Variants in MRAP observed in about 807,000 individuals in gnomAD.
MRAP encodes melanocortin 2 receptor accessory protein.
A neutral mutation model predicts 8.7 loss-of-function variants in MRAP; 8 were observed. That is an observed-to-expected ratio of 0.92 (90% CI 0.54 to 1.66). The LOEUF (loss-of-function observed/expected upper bound fraction) is 1.66, where lower values mean the gene tolerates loss of function less well. Among genes scored for constraint, MRAP ranks in the 40% most tolerant of loss-of-function variants. The pLI is 0.00. For synonymous variants in MRAP, 95 were observed against 95.5 expected (o/e 1.00, Z 0.03); for missense variants, 237 against 217.1 (o/e 1.09, Z -0.58).
intron 2 of MRAP, among the ~76,000 whole-genome samples, chr21:32,308,255 G>A (rs1188783537): frequency 6.6e-6 from 1 of 152,024 alleles, no homozygotes; most frequent in East Asian, 1.9e-4. Flanking sequence ...GTGTATGCCT[G>A]TAATCCCAGC....
In MRAP at chr21:32,301,108, CATATG is replaced by C. The variant is rs749431762; in HGVS notation, c.106+2036_106+2040del. Among the ~76,000 whole-genome samples, 345 of 148,474 alleles carry C rather than the reference CATATG, an allele frequency of 2.3e-3. 1 individual carries two copies. Among genetic ancestry groups the C allele is most frequent in the Non-Finnish European group, 2.9e-3 (199 of 67,878 alleles). On this transcript the variant is annotated intron_variant, in intron 1 of 2. Coordinates refer to ENST00000303645, the MANE Select transcript of MRAP (RefSeq NM_001379228.1). ...ATATATCGTATATGATATCATATATCATATGATATATGATGGCTAATTTCTTTGTA... is the reference window on the plus strand; with the variant it reads ...ATATATCGTATATGATATCATATATCATATATGATGGCTAATTTCTTTGTA...
downstream of MRAP, chr21:32,312,954 T>C (rs1024173123): frequency 6.6e-6 from 1 of 152,242 alleles, no homozygotes; most frequent in African/African-American, 2.4e-5. Context: ...CCACACTAAG[T>C]GACTGGAAAA....
At chr21:32,300,299 G>T (rs570880359) in intron 1 of MRAP, among the ~76,000 whole-genome samples, 1 of 151,594 alleles carries the variant, frequency 6.6e-6, no homozygotes, top group Non-Finnish European at 1.5e-5. Context: ...GGATTACGTC[G>T]TATGTCAGAT....
In MRAP at chr21:32,311,855, G is replaced by A; in HGVS notation, c.378G>A (p.Glu126=). 1 of 1,614,130 alleles carries A rather than the reference G, an allele frequency of 6.2e-7. No homozygotes were observed. Among genetic ancestry groups the A allele is most frequent in the Non-Finnish European group, 8.5e-7 (1 of 1,180,048 alleles). The change falls in exon 3 of 3, where the codon GAG becomes GAA. Residue 126 remains glutamate, a synonymous_variant. Coordinates refer to ENST00000303645, the MANE Select transcript of MRAP (RefSeq NM_001379228.1). ...GCCCTGACCAGCCGCTACGACAGGA[G>A]AGCTCCTCCACCTTGCCCCTCGGGG... ...RTGPDQPLRQ[E]SSSTLPLGGF...
At chr21:32,292,780 G>A (rs1352248366) in intron 1 of MRAP, among the ~76,000 whole-genome samples, 1 of 150,682 alleles carries the variant, frequency 6.6e-6, no homozygotes, top group African/African-American at 2.4e-5. Flanking sequence ...TGGGCATGGT[G>A]TGAGCCACCA....
exon 2 of MRAP, chr21:32,293,025 T>C (rs1173367251): frequency 6.6e-6 from 1 of 152,096 alleles, no homozygotes; most frequent in East Asian, 1.9e-4. Flanking sequence ...GATTGTGAGA[T>C]GGAAAAATTA....
intron 1 of MRAP, among the ~76,000 whole-genome samples, chr21:32,299,785 T>C (rs1202251771): frequency 6.6e-6 from 1 of 152,188 alleles, no homozygotes; most frequent in Non-Finnish European, 1.5e-5. Context: ...GATTTAATGA[T>C]TTTTACTAAA....
In MRAP at chr21:32,298,949, G is replaced by T. The variant is rs764251414; in HGVS notation, c.-23G>T. ...TCGAGGCGAGGCTGCCGGCCCGGAC[G>T]CTGACTGCCCAGTGCCACAGACATG... On this transcript the variant is annotated 5_prime_UTR_variant, in exon 1 of 3. Transcript: ENST00000303645. 7 of 1,586,354 alleles carry T rather than the reference G, an allele frequency of 4.4e-6. No individual in the cohort carries two copies.
At chr21:32,293,941 T>G (rs74582261), upstream of MRAP, among the ~76,000 whole-genome samples, 4 of 152,238 alleles carry the variant, frequency 2.6e-5, no homozygotes, top group East Asian at 7.7e-4. Context: ...TTATCCATCA[T>G]GGATATTTTA....
downstream of MRAP, chr21:32,312,448 G>A: frequency 7.7e-6 from 4 of 518,366 alleles, no homozygotes; most frequent in Non-Finnish European, 1.1e-5. Flanking sequence ...AGATGTGATG[G>A]CATCTGCCCT....
At chr21:32,311,507 A>T in intron 2 of MRAP, 177 bp from the exon 3 acceptor site, 1 of 712,888 alleles carries the variant, frequency 1.4e-6, no homozygotes. Context: ...CTCCTCTGAG[A>T]TTTCTCTAGA....
upstream of MRAP, among the ~76,000 whole-genome samples, chr21:32,297,406 C>G (rs73901384): frequency 6.6e-6 from 1 of 152,150 alleles, no homozygotes; most frequent in Non-Finnish European, 1.5e-5. Context: ...TAAAACCCTA[C>G]AAAAACCCTC....
intron 1 of MRAP, among the ~76,000 whole-genome samples, chr21:32,306,294 C>A (rs1430537322): frequency 6.6e-6 from 1 of 152,170 alleles, no homozygotes; most frequent in African/African-American, 2.4e-5. Flanking sequence ...GCCCTCTCCT[C>A]TCCCTCCCAT....
chr21:32,311,596 C>G (rs1217494591), intron 2 of MRAP, 88 bp from the exon 3 acceptor site: 1 of 1,534,644 alleles, frequency 6.5e-7, no homozygotes, highest in East Asian at 2.3e-5. Flanking sequence ...GGGCAGATGG[C>G]AGGTGTGGCA....
chr21:32,314,757 T>A, downstream of MRAP: 1 of 1,436,144 alleles, frequency 7.0e-7, no homozygotes, highest in Non-Finnish European at 9.6e-7. Context: ...GGCAGTTCAA[T>A]AAAGTCCTCT....
chr21:32,310,452 T>C (rs1023064385), intron 2 of MRAP, among the ~76,000 whole-genome samples: 3 of 152,176 alleles, frequency 2.0e-5, no homozygotes, highest in African/African-American at 4.8e-5. Flanking sequence ...GTGCCAGCGC[T>C]GTAACCACAT....
chr21:32,313,290 C>T (rs1313418718), downstream of MRAP: 2 of 152,246 alleles, frequency 1.3e-5, no homozygotes, highest in African/African-American at 4.8e-5. Context: ...CGGCCAATGC[C>T]CCCTGCATAA....
At chr21:32,292,077 G>GA (rs1386167146) in intron 1 of MRAP, among the ~76,000 whole-genome samples, 2 of 151,972 alleles carry the variant, frequency 1.3e-5, no homozygotes, top group Non-Finnish European at 1.5e-5. Flanking sequence ...AGACAAATAA[G>GA]GAAAATGTGA....
rs533144511 is a variant in MRAP, at chr21:32,301,190, C to T, written c.106+2113C>T. On this transcript the variant is annotated intron_variant, in intron 1 of 2. Transcript: ENST00000303645. Reference sequence around the variant, plus strand: ...TGTTAGCCAGGATGGTCTCGATCTCCTGACCTTGTGATCCACCTGCCTCAC... The same window carrying T: ...TGTTAGCCAGGATGGTCTCGATCTCTTGACCTTGTGATCCACCTGCCTCAC... 7.9e-5 allele frequency among the ~76,000 whole-genome samples: 12 copies of T among 151,696 alleles called. No individual in the cohort carries two copies. In the South Asian group the frequency reaches 2.3e-3, roughly 29 times the overall value.
Sources: allele counts gnomAD v4.1 joint callset (sites outside exome capture counted in the v4.1 genomes callset), GRCh38; gene constraint gnomAD v4.1.1; transcripts MANE v1.5; gene names NCBI Gene and HGNC (gene_info 2026-07-23, HGNC 2026-07-21).